The following JPH3 variants were observed in gnomAD, a reference collection of about 807,000 sequenced individuals.
The protein encoded by JPH3 is junctophilin-3.
In JPH3, 11 loss-of-function variants were observed where a neutral mutation model predicts 59.6. That is an observed-to-expected ratio of 0.18 (90% confidence interval 0.12 to 0.31). JPH3 has a LOEUF of 0.31. JPH3 is among the 10% of genes least tolerant of loss of function. The probability of loss-of-function intolerance (pLI) is 1.00; values close to 1 mark genes in which losing one functional copy is unlikely to be tolerated. For synonymous variants in JPH3, 673 were observed against 483.6 expected, an observed-to-expected ratio of 1.39 and a Z score of -5.14; for missense variants, 1,202 against 1,105.7, an observed-to-expected ratio of 1.09 and a Z score of -1.24.
chr16:87,651,099 G>A (rs2032313455), intron 2 of JPH3, among the ~76,000 whole-genome samples: 3 of 152,148 alleles, frequency 2.0e-5, no homozygotes. Flanking sequence ...AAAATCCTAG[G>A]GCCCATAAGA....
chr16:87,623,728 G>A (rs373733733), intron 1 of JPH3, among the ~76,000 whole-genome samples: 3 of 152,230 alleles, frequency 2.0e-5, no homozygotes, highest in African/African-American at 4.8e-5. Flanking sequence ...GTCCTGGCCC[G>A]AACACTCCCC....
intron 2 of JPH3, among the ~76,000 whole-genome samples, chr16:87,682,837 C>T (rs919841164): frequency 2.0e-5 from 3 of 151,920 alleles, no homozygotes; most frequent in Non-Finnish European, 4.4e-5. Flanking sequence ...CACTGGCAGG[C>T]CCCCCCGGGG....
At chr16:87,634,417 G>A (rs550214688) in intron 1 of JPH3, among the ~76,000 whole-genome samples, 2 of 152,314 alleles carry the variant, frequency 1.3e-5, no homozygotes, top group South Asian at 2.1e-4. Context: ...GGAGGCCATC[G>A]GAAGCCCACA....
Position 87,602,722 on chromosome 16 carries a change from T to G in JPH3, c.-425T>G, listed in dbSNP as rs1444033592. Reference sequence around the variant, plus strand: ...GCGCCCGCAGCGCGGCAGCCGCAGGTGGGGGGCCGCGGCCCGGGCCTGAGC... The same window carrying G: ...GCGCCCGCAGCGCGGCAGCCGCAGGGGGGGGGCCGCGGCCCGGGCCTGAGC... On this transcript the variant is annotated 5_prime_UTR_variant, in exon 1 of 5. Coordinates refer to ENST00000284262, the MANE Select transcript of JPH3 (RefSeq NM_020655.4). Among the ~76,000 whole-genome samples the G allele has an allele frequency of 1.6e-5, 2 of 121,316 alleles. No individual in the cohort carries two copies. Among genetic ancestry groups the G allele is most frequent in the Non-Finnish European group, 3.5e-5 (2 of 57,624 alleles). The allele number at this position is 121,316 out of a possible 152,430, so 79.6% of individuals were successfully genotyped here. A position where few individuals can be genotyped will look rare whatever the true frequency, so the allele number is the denominator to read the frequency against.
Position 87,646,034 on chromosome 16 carries a change from G to C in JPH3, c.1160+999G>C, listed in dbSNP as rs564301823. Reference sequence around the variant, plus strand: ...GGGTAGCCCGGAGAGTCTTGGGGCAGGGATCTGGGAGCTGCGGGGGAGTCC... The same window carrying C: ...GGGTAGCCCGGAGAGTCTTGGGGCACGGATCTGGGAGCTGCGGGGGAGTCC... On this transcript the variant is annotated intron_variant, in intron 2 of 4. Coordinates refer to ENST00000284262, the MANE Select transcript of JPH3 (RefSeq NM_020655.4). 8.1e-4 allele frequency among the ~76,000 whole-genome samples: 124 copies of C among 152,362 alleles called. 1 individual carries two copies. The highest frequency in any genetic ancestry group is 4.2e-3 in the Admixed American group (65 of 15,310).
In JPH3 at chr16:87,697,052, CCT is replaced by C. The variant is rs1181390047; in HGVS notation, c.*393_*394del. 21 of 266,014 alleles carry C rather than the reference CCT, an allele frequency of 7.9e-5. No homozygotes were observed. Among genetic ancestry groups the C allele is most frequent in the Admixed American group, 2.8e-4 (6 of 21,268 alleles). The allele number at this position is 266,014 out of a possible 1,614,324, so 16.5% of individuals were successfully genotyped here. A position where few individuals can be genotyped will look rare whatever the true frequency, so the allele number is the denominator to read the frequency against. ...GGGGCAGAGCCTCAGCCCCGCGGCC[CCT>C]GAGTGGCAGGGCTGACTCCCGTCGA... is the stretch of plus-strand genomic sequence containing the variant. On this transcript the variant is annotated 3_prime_UTR_variant, in exon 5 of 5. Coordinates refer to ENST00000284262, the MANE Select transcript of JPH3 (RefSeq NM_020655.4).
At chr16:87,615,612 T>A (rs1479717036) in intron 1 of JPH3, among the ~76,000 whole-genome samples, 3 of 152,158 alleles carry the variant, frequency 2.0e-5, no homozygotes, top group Non-Finnish European at 4.4e-5. Flanking sequence ...GAGCAGGGAC[T>A]CCATAGCTCC....
intron 4 of JPH3, among the ~76,000 whole-genome samples, chr16:87,692,677 C>T (rs1010857805): frequency 6.6e-6 from 1 of 152,228 alleles, no homozygotes; most frequent in Admixed American, 6.5e-5. Context: ...AGGATGGAAG[C>T]ACAGGTTCTC....
At chr16:87,626,209 C>T (rs2031369738) in intron 1 of JPH3, among the ~76,000 whole-genome samples, 1 of 151,966 alleles carries the variant, frequency 6.6e-6, no homozygotes, top group African/African-American at 2.4e-5. Context: ...TCAAGGCAGC[C>T]CTGTGGGGTG....
At chr16:87,620,607 C>G (rs1009701012) in intron 1 of JPH3, among the ~76,000 whole-genome samples, 1 of 152,088 alleles carries the variant, frequency 6.6e-6, no homozygotes, top group Non-Finnish European at 1.5e-5. Context: ...GTTCCTCGCC[C>G]CTCCCTTCCA....
rs1411332674 is a variant in JPH3 at position 87,644,754 on chromosome 16, G to A, written c.879G>A (p.Lys293=). 9 of 1,613,218 alleles carry A rather than the reference G, an allele frequency of 5.6e-6. No individual in the cohort carries two copies. The highest frequency in any genetic ancestry group is 1.3e-5 in the African/African-American group (1 of 74,982). ...TTTETYVGEW[K]NDKRSGFGVS... ...CCGAGACCTACGTGGGCGAGTGGAAGAACGACAAACGCTCCGGCTTCGGCG... is the reference window on the plus strand; with the variant it reads ...CCGAGACCTACGTGGGCGAGTGGAAAAACGACAAACGCTCCGGCTTCGGCG... The change falls in exon 2 of 5, where the codon AAG becomes AAA. Residue 293 remains lysine, a synonymous_variant. Transcript: ENST00000284262.
At chr16:87,658,997 C>A (rs1277124651) in intron 2 of JPH3, among the ~76,000 whole-genome samples, 1 of 152,206 alleles carries the variant, frequency 6.6e-6, no homozygotes, top group South Asian at 2.1e-4. Context: ...AGCTGCAGAC[C>A]TGGGCGGTCA....
chr16:87,631,773 C>G (rs1368947845), intron 1 of JPH3, among the ~76,000 whole-genome samples: 1 of 151,956 alleles, frequency 6.6e-6, no homozygotes, highest in Non-Finnish European at 1.5e-5. Context: ...TTTTTTTGAT[C>G]TAGTTTCTGA....
chr16:87,644,427 G>A lies in JPH3; in HGVS notation c.552G>A (p.Ala184=), dbSNP rs774795524. The change falls in exon 2 of 5, where the codon GCG becomes GCA. Residue 184 remains alanine, a synonymous_variant. Coordinates refer to ENST00000284262, the MANE Select transcript of JPH3 (RefSeq NM_020655.4). The stretch of plus-strand genomic sequence containing the variant: ...CGCTGCATCCCGACGCCTCTCCGGC[G>A]GTGGCCGGCAGCCCGGCCGTGTCCC... ...GTALHPDASP[A]VAGSPAVSRG... 3.6e-5 allele frequency: 58 copies of A among 1,611,952 alleles called. No homozygotes were observed. The highest frequency in any genetic ancestry group is 5.3e-5 in the African/African-American group (4 of 74,918).
chr16:87,660,283 A>G (rs1189026020), intron 2 of JPH3, among the ~76,000 whole-genome samples: 1 of 152,106 alleles, frequency 6.6e-6, no homozygotes, highest in Non-Finnish European at 1.5e-5. Flanking sequence ...TTTTCCCCAG[A>G]GCAGATGCTT....
At chr16:87,660,225 G>A (rs1440443554) in intron 2 of JPH3, among the ~76,000 whole-genome samples, 2 of 152,256 alleles carry the variant, frequency 1.3e-5, no homozygotes, top group South Asian at 2.1e-4. Flanking sequence ...GGCCAATGGC[G>A]TCCCTCTGAG....
At chr16:87,692,620 G>A (rs1170881845) in intron 4 of JPH3, among the ~76,000 whole-genome samples, 1 of 144,416 alleles carries the variant, frequency 6.9e-6, no homozygotes, top group Non-Finnish European at 1.5e-5. Flanking sequence ...GATGGGCCTG[G>A]GATTCTGGCC....
intron 1 of JPH3, among the ~76,000 whole-genome samples, chr16:87,605,939 G>A (rs982321638): frequency 6.6e-6 from 1 of 152,228 alleles, no homozygotes; most frequent in Non-Finnish European, 1.5e-5. Flanking sequence ...CTCCCTTTTG[G>A]TTGGCAACAT....
intron 1 of JPH3, among the ~76,000 whole-genome samples, chr16:87,615,761 C>T (rs993851075): frequency 2.4e-4 from 36 of 152,198 alleles, no homozygotes; most frequent in African/African-American, 8.2e-4. Context: ...GCTGGGACCA[C>T]GCCTTGAGAA....
Sources: gnomAD v4.1 joint callset for allele counts (sites outside exome capture counted in the v4.1 genomes callset) on GRCh38, gnomAD v4.1.1 for gene constraint, MANE v1.5 for transcripts, NCBI Gene and HGNC (gene_info 2026-07-23, HGNC 2026-07-21) for gene names.